Variants in CADM2 observed in about 807,000 individuals in gnomAD.
CADM2 encodes the protein immunoglobulin superfamily member 4D.
Under a neutral mutation model 49.8 loss-of-function variants are expected in CADM2, and 12 were observed. That is an observed-to-expected ratio of 0.24 (90% CI 0.15 to 0.39). The LOEUF is 0.39. Ranked by LOEUF, CADM2 falls within the 10% of genes least tolerant of loss-of-function variation. The pLI is 1.00. For synonymous variants in CADM2, 214 were observed against 175.4 expected, an observed-to-expected ratio of 1.22 and a Z score of -1.74; for missense variants, 378 against 492.3, an observed-to-expected ratio of 0.77 and a Z score of 2.20.
At chr3:85,172,473 T>A (rs1354207202) in intron 1 of CADM2, among the ~76,000 whole-genome samples, 3 of 152,196 alleles carry the variant, frequency 2.0e-5, no homozygotes, top group Non-Finnish European at 4.4e-5. Context: ...ATTTGTAGAA[T>A]TTCAAGAGTA....
intron 1 of CADM2, among the ~76,000 whole-genome samples, chr3:85,398,936 C>G (rs1466423826): frequency 6.6e-6 from 1 of 151,926 alleles, no homozygotes; most frequent in Non-Finnish European, 1.5e-5. Context: ...CAAAAATTTT[C>G]TCCCATTCTG....
intron 1 of CADM2, among the ~76,000 whole-genome samples, chr3:85,571,289 T>G (rs751289941): frequency 3.3e-5 from 5 of 152,206 alleles, no homozygotes; most frequent in Non-Finnish European, 7.4e-5. Flanking sequence ...TCAGATATTC[T>G]CATATGAGTC....
In CADM2 at chr3:85,611,241, C is replaced by T. The variant is rs561126636; in HGVS notation, c.62-115281C>T. On this transcript the variant is annotated intron_variant, in intron 1 of 9. Coordinates refer to ENST00000383699, the MANE Select transcript of CADM2 (RefSeq NM_001167675.2). ...AGTGTTTAATCATTAGTCATGTATACTGCAAATGTTTTTTTTTTTCTGTGA... is the reference window on the plus strand; with the variant it reads ...AGTGTTTAATCATTAGTCATGTATATTGCAAATGTTTTTTTTTTTCTGTGA... Among the ~76,000 whole-genome samples, 5 of 118,320 alleles carry T rather than the reference C, an allele frequency of 4.2e-5. No homozygotes were observed. In the South Asian group the frequency reaches 1.4e-3, roughly 33 times the overall value. 77.6% of individuals were successfully genotyped at this position (118,320 alleles called of 152,430 possible).
At chr3:85,101,906 G>A (rs2038026775) in intron 1 of CADM2, among the ~76,000 whole-genome samples, 1 of 152,118 alleles carries the variant, frequency 6.6e-6, no homozygotes, top group South Asian at 2.1e-4. Context: ...ATGTTAAGAT[G>A]ACACCCACAG....
intron 1 of CADM2, among the ~76,000 whole-genome samples, chr3:85,512,829 A>C (rs1291938919): frequency 1.3e-5 from 2 of 152,046 alleles, no homozygotes; most frequent in African/African-American, 4.8e-5. Context: ...ATTAGTTAAA[A>C]ACATATAAGG....
chr3:85,047,473 T>C (rs2035712245), intron 1 of CADM2, among the ~76,000 whole-genome samples: 1 of 152,150 alleles, frequency 6.6e-6, no homozygotes, highest in African/African-American at 2.4e-5. Flanking sequence ...AATTTACATA[T>C]TGTTTATTAA....
chr3:85,486,648 G>A (rs1211887864), intron 1 of CADM2, among the ~76,000 whole-genome samples: 1 of 151,996 alleles, frequency 6.6e-6, no homozygotes, highest in Non-Finnish European at 1.5e-5. Context: ...CTATTATAAA[G>A]GTTCCCAACA....
chr3:85,782,564 G>A (rs2070719507), intron 2 of CADM2, among the ~76,000 whole-genome samples: 1 of 151,030 alleles, frequency 6.6e-6, no homozygotes, highest in Non-Finnish European at 1.5e-5. Context: ...GCTGAGGCAG[G>A]AGAATCGCTT....
At chr3:85,217,366 G>C (rs554447681) in intron 1 of CADM2, among the ~76,000 whole-genome samples, 53 of 151,830 alleles carry the variant, frequency 3.5e-4, no homozygotes, top group Admixed American at 1.6e-3. Flanking sequence ...TGTCATTGTA[G>C]AATTATATGA....
chr3:85,388,235 A>G (rs762333741), intron 1 of CADM2, among the ~76,000 whole-genome samples: 1 of 152,188 alleles, frequency 6.6e-6, no homozygotes, highest in East Asian at 1.9e-4. Flanking sequence ...CAAGTTGCCC[A>G]GAATGGTCTT....
intron 1 of CADM2, among the ~76,000 whole-genome samples, chr3:85,144,252 C>CACAA (rs2039664022): frequency 1.4e-5 from 2 of 142,246 alleles, no homozygotes; most frequent in African/African-American, 5.1e-5. Context: ...CACGCACACA[C>CACAA]ACACACACAC....
chr3:85,939,657 G>A (rs948233018), intron 7 of CADM2, among the ~76,000 whole-genome samples: 6 of 151,642 alleles, frequency 4.0e-5, no homozygotes, highest in African/African-American at 1.5e-4. Flanking sequence ...TTTTCAGTGA[G>A]ATAAATATGT....
chr3:85,577,661 C>T (rs1266028529), intron 1 of CADM2, among the ~76,000 whole-genome samples: 1 of 151,704 alleles, frequency 6.6e-6, no homozygotes, highest in African/African-American at 2.4e-5. Flanking sequence ...TGTTTTTTTC[C>T]AAACACCATC....
chr3:85,417,828 A>C (rs2035982168), intron 1 of CADM2, among the ~76,000 whole-genome samples: 1 of 152,098 alleles, frequency 6.6e-6, no homozygotes, highest in African/African-American at 2.4e-5. Flanking sequence ...AGTGCTTTTA[A>C]ATTTTAATTT....
At chr3:85,926,835 G>C (rs1015730109) in intron 6 of CADM2, among the ~76,000 whole-genome samples, 1 of 152,178 alleles carries the variant, frequency 6.6e-6, no homozygotes, top group Non-Finnish European at 1.5e-5. Context: ...AAAGCCTTGG[G>C]CTGGCTGCTA....
At chr3:85,550,437 C>A (rs1453690970) in intron 1 of CADM2, among the ~76,000 whole-genome samples, 7 of 152,124 alleles carry the variant, frequency 4.6e-5, no homozygotes, top group African/African-American at 1.7e-4. Context: ...GCTACAATTG[C>A]GAATTCTCAG....
chr3:86,030,761 GT>G lies in CADM2; in HGVS notation c.971-34842del, dbSNP rs1345400086. Reference sequence around the variant, plus strand: ...GCACAAGGTCTTGTACATAGCAAGTGTTCATAAATGAATTGATAAATAAAGA... The same window carrying G: ...GCACAAGGTCTTGTACATAGCAAGTGTCATAAATGAATTGATAAATAAAGA... On this transcript the variant is annotated intron_variant, in intron 8 of 9. Coordinates refer to ENST00000383699, the MANE Select transcript of CADM2 (RefSeq NM_001167675.2). Among the ~76,000 whole-genome samples, 3 of 151,952 alleles carry G rather than the reference GT, an allele frequency of 2.0e-5. No homozygotes were observed. The East Asian group carries it at 5.8e-4, about 29-fold the overall frequency.
At chr3:85,162,171 G>T (rs1424507736) in intron 1 of CADM2, among the ~76,000 whole-genome samples, 2 of 152,052 alleles carry the variant, frequency 1.3e-5, no homozygotes. Context: ...GCTTACATTC[G>T]AGGGTGTGGA....
At chr3:85,445,367 G>A (rs1241147253) in intron 1 of CADM2, among the ~76,000 whole-genome samples, 1 of 152,072 alleles carries the variant, frequency 6.6e-6, no homozygotes, top group Non-Finnish European at 1.5e-5. Flanking sequence ...TGCCACAGAT[G>A]TGAAATGTAA....
Sources: gnomAD v4.1 joint callset for allele counts (sites outside exome capture counted in the v4.1 genomes callset) on GRCh38, gnomAD v4.1.1 for gene constraint, MANE v1.5 for transcripts, NCBI Gene and HGNC (gene_info 2026-07-23, HGNC 2026-07-21) for gene names.